The following BICC1 variants were observed in gnomAD, a reference collection of about 807,000 sequenced individuals.
BICC1 encodes the protein BicC family RNA binding protein 1, also known as protein bicaudal C homolog 1.
Under a neutral mutation model 111.0 loss-of-function variants are expected in BICC1, and 43 were observed. That is an observed-to-expected ratio of 0.39 (90% CI 0.30 to 0.50). The LOEUF (loss-of-function observed/expected upper bound fraction) is 0.50. Among genes scored for constraint, BICC1 ranks in the 20% least tolerant of loss-of-function variants. The pLI, the probability that BICC1 is intolerant of heterozygous loss-of-function variation, is 0.88. For synonymous variants in BICC1, 467 were observed against 434.4 expected (o/e 1.07, Z -0.93); for missense variants, 1,091 against 1,203.2 (o/e 0.91, Z 1.38).
chr10:58,705,057 G>A (rs1230423516), intron 3 of BICC1, among the ~76,000 whole-genome samples: 1 of 152,200 alleles, frequency 6.6e-6, no homozygotes, highest in African/African-American at 2.4e-5. Context: ...GAGCTGGAAG[G>A]AAGCTGCCTG....
At chr10:58,705,862 A>G (rs1317969205) in intron 3 of BICC1, among the ~76,000 whole-genome samples, 1 of 152,188 alleles carries the variant, frequency 6.6e-6, no homozygotes, top group African/African-American at 2.4e-5. Flanking sequence ...TTTTTAAAAC[A>G]TCTCTAGAGT....
At chr10:58,698,881 C>T (rs1840144996) in intron 2 of BICC1, among the ~76,000 whole-genome samples, 1 of 152,152 alleles carries the variant, frequency 6.6e-6, no homozygotes, top group African/African-American at 2.4e-5. Context: ...TAGAAAGCAG[C>T]AGAGCTGGTA....
intron 2 of BICC1, among the ~76,000 whole-genome samples, chr10:58,680,068 A>C (rs1259454402): frequency 2.0e-5 from 3 of 152,198 alleles, no homozygotes; most frequent in African/African-American, 4.8e-5. Flanking sequence ...TGACAAACCC[A>C]CAGCCAATAT....
chr10:58,586,359 G>A (rs1457048706), intron 1 of BICC1, among the ~76,000 whole-genome samples: 2 of 152,228 alleles, frequency 1.3e-5, no homozygotes, highest in Non-Finnish European at 2.9e-5. Flanking sequence ...CATGTTCTTG[G>A]TAATCTCTTA....
chr10:58,648,742 T>C (rs920255), intron 2 of BICC1: 782,073 of 783,056 alleles, frequency 1, 390,551 homozygotes, highest in Middle Eastern at 1. Flanking sequence ...ACTCCTGTCT[T>C]TTATCTTAAT....
At chr10:58,818,488 T>A (rs2132961910) in intron 19 of BICC1, among the ~76,000 whole-genome samples, 1 of 152,290 alleles carries the variant, frequency 6.6e-6, no homozygotes, top group East Asian at 1.9e-4. Flanking sequence ...AATTTTATGT[T>A]AGAGAACATC....
intron 1 of BICC1, among the ~76,000 whole-genome samples, chr10:58,540,365 T>A (rs1444181664): frequency 2.0e-5 from 3 of 150,136 alleles, no homozygotes; most frequent in Non-Finnish European, 4.4e-5. Context: ...AAATCAACAG[T>A]TCCATATTTA....
At chr10:58,604,892 C>T (rs749496949) in intron 1 of BICC1, among the ~76,000 whole-genome samples, 16 of 152,064 alleles carry the variant, frequency 1.1e-4, no homozygotes, top group African/African-American at 3.4e-4. Flanking sequence ...CTTTGAGGCC[C>T]GACTTTCTGG....
chr10:58,686,466 A>G (rs1055946982), intron 2 of BICC1, among the ~76,000 whole-genome samples: 3 of 152,156 alleles, frequency 2.0e-5, no homozygotes, highest in Admixed American at 2.0e-4. Context: ...ATGTTTTCCA[A>G]TTTGGTTCCA....
Position 58,796,473 on chromosome 10 carries a change from C to A in BICC1, c.1313C>A (p.Ala438Glu). 20 of 1,614,110 alleles carry A rather than the reference C, an allele frequency of 1.2e-5. No homozygotes were observed. Among genetic ancestry groups the A allele is most frequent in the Non-Finnish European group, 1.7e-5 (20 of 1,179,992 alleles). Residue 438 changes from alanine to glutamate, a missense_variant, in exon 10 of 21, where the codon GCA (alanine) becomes GAA (glutamate). Around this residue, in one of 3 missense-constraint regions of BICC1, gnomAD observed 843 missense variants for 900.8 expected, o/e 0.94. Coordinates refer to ENST00000373886, the MANE Select transcript of BICC1 (RefSeq NM_001080512.3). ...PSPASCPAGL[A>E]CPSLDILASA... ...CCAGCATCCTGCCCTGCCGGCCTGG[C>A]ATGTCCCAGCCTGGATATCTTAGCT...
At chr10:58,796,109 C>T (rs1843344113) in intron 9 of BICC1, among the ~76,000 whole-genome samples, 1 of 152,128 alleles carries the variant, frequency 6.6e-6, no homozygotes, top group African/African-American at 2.4e-5. Flanking sequence ...ATCACAGCTC[C>T]TGGAACCCAG....
At chr10:58,808,360 C>T (rs994940666) in intron 17 of BICC1, among the ~76,000 whole-genome samples, 4 of 152,168 alleles carry the variant, frequency 2.6e-5, no homozygotes, top group Non-Finnish European at 5.9e-5. Flanking sequence ...TAGAGTTTCA[C>T]CTGATGTACG....
chr10:58,694,094 T>C (rs1839997613), intron 2 of BICC1, among the ~76,000 whole-genome samples: 1 of 152,168 alleles, frequency 6.6e-6, no homozygotes, highest in Non-Finnish European at 1.5e-5. Flanking sequence ...GTCACTCAAA[T>C]AATCAGCAAT....
At chr10:58,582,891 T>A (rs1285930941) in intron 1 of BICC1, among the ~76,000 whole-genome samples, 1 of 152,216 alleles carries the variant, frequency 6.6e-6, no homozygotes, top group Non-Finnish European at 1.5e-5. Context: ...ATCTTATTTT[T>A]AGGCCAGCTG....
At chr10:58,521,834 C>A (rs1301722030) in intron 1 of BICC1, among the ~76,000 whole-genome samples, 1 of 123,848 alleles carries the variant, frequency 8.1e-6, no homozygotes, top group Admixed American at 1.1e-4. Flanking sequence ...CCTTCCCTCT[C>A]AGATTCCAAC....
intron 3 of BICC1, among the ~76,000 whole-genome samples, chr10:58,765,059 A>G (rs75105129): frequency 0.032 from 4,883 of 151,988 alleles, 215 homozygotes; most frequent in Admixed American, 0.14. Context: ...TGTAGGTAGT[A>G]TGGGTTTTTT....
chr10:58,728,890 G>A (rs924294231), intron 3 of BICC1, among the ~76,000 whole-genome samples: 34 of 151,976 alleles, frequency 2.2e-4, no homozygotes, highest in Middle Eastern at 3.2e-3. Flanking sequence ...ATTAAAAAAA[G>A]GAATCTTTTT....
At chr10:58,626,978 T>C (rs1411530653) in intron 2 of BICC1, among the ~76,000 whole-genome samples, 1 of 152,130 alleles carries the variant, frequency 6.6e-6, no homozygotes, top group Non-Finnish European at 1.5e-5. Context: ...GGTGCATGCC[T>C]ATAATCCGAT....
intron 17 of BICC1, among the ~76,000 whole-genome samples, chr10:58,808,017 C>T (rs1177669283): frequency 6.6e-6 from 1 of 151,612 alleles, no homozygotes; most frequent in Non-Finnish European, 1.5e-5. Flanking sequence ...ACCTTTTCTC[C>T]ACCCATTTGC....
Sources: gnomAD v4.1 joint callset for allele counts (sites outside exome capture counted in the v4.1 genomes callset) on GRCh38, gnomAD v4.1.1 for gene constraint, gnomAD v4.1.1 regional missense constraint, MANE v1.5 for transcripts, NCBI Gene and HGNC (gene_info 2026-07-23, HGNC 2026-07-21) for gene names.